The following FOXP1 variants were observed in gnomAD, a reference collection of about 807,000 sequenced individuals.
FOXP1 encodes forkhead box P1, also known as forkhead box protein P1.
Under a neutral mutation model 98.2 loss-of-function variants are expected in FOXP1, and 15 were observed. The observed-to-expected ratio is 0.15, with a 90% CI of 0.10 to 0.24. The LOEUF is 0.24. FOXP1 is among the 10% of genes least tolerant of loss of function. The pLI is 1.00. For missense variants in FOXP1, 633 were observed against 848.5 expected (o/e 0.75, Z 3.15); for synonymous variants, 371 against 314.5 (o/e 1.18, Z -1.90).
At chr3:70,970,596 G>A (rs1265570756) in intron 19 of FOXP1, 140 bp downstream of exon 19, 1 of 780,880 alleles carries the variant, frequency 1.3e-6, no homozygotes, top group African/African-American at 1.7e-5. Context: ...CCTCCAGGGA[G>A]TATGATGCTT....
intron 4 of FOXP1, among the ~76,000 whole-genome samples, chr3:71,305,033 C>T (rs1044203519): frequency 4.6e-5 from 7 of 152,128 alleles, no homozygotes; most frequent in Admixed American, 1.3e-4. Context: ...TGAAATAACA[C>T]TCTACCCTCA....
At chr3:71,280,126 C>CAAAAAAAAAAAAAAAAAA (rs56674677) in intron 5 of FOXP1, among the ~76,000 whole-genome samples, 1 of 106,208 alleles carries the variant, frequency 9.4e-6, no homozygotes, top group Non-Finnish European at 1.9e-5. Context: ...CTGTCTCAAA[C>CAAAAAAAAAAAAAAAAAA]AAAAAAAAAA....
chr3:71,232,455 C>G (rs1560155697), intron 5 of FOXP1, among the ~76,000 whole-genome samples: 1 of 152,174 alleles, frequency 6.6e-6, no homozygotes, highest in Non-Finnish European at 1.5e-5. Flanking sequence ...CAGGACCCCT[C>G]AACTGATGCT....
rs547513377 is a variant in FOXP1, at chr3:71,084,557, A to G, written c.282+27979T>C. On this transcript the variant is annotated intron_variant, in intron 7 of 20. Coordinates refer to ENST00000649528, the MANE Select transcript of FOXP1 (RefSeq NM_001349338.3). The stretch of plus-strand genomic sequence containing the variant: ...GCAACTATTTTATTGTAATACATAC[A>G]TTCTGGAGAAATACACATTTTTCTT... Among the ~76,000 whole-genome samples, 233 of 152,356 alleles carry G rather than the reference A, an allele frequency of 1.5e-3. 11 individuals carry two copies. The South Asian group carries it at 0.046, about 30-fold the overall frequency.
At chr3:71,521,159 T>C (rs753310310) in intron 2 of FOXP1, among the ~76,000 whole-genome samples, 1 of 151,846 alleles carries the variant, frequency 6.6e-6, no homozygotes, top group Non-Finnish European at 1.5e-5. Flanking sequence ...GGAAAGCTCC[T>C]GAAAGGGATG....
Position 71,497,163 on chromosome 3 carries a change from C to CA in FOXP1, c.-297-3609dup, listed in dbSNP as rs200173526. Among the ~76,000 whole-genome samples the CA allele has an allele frequency of 2.1e-3, 320 of 150,046 alleles. 1 individual carries two copies. The highest frequency in any genetic ancestry group is 4.9e-3 in the Admixed American group (75 of 15,160). ...CCTTTCCACAGTACAGAGGCAAAAACAAAAAAGAAAAGAAAAAAATGACAG... is the reference window on the plus strand; with the variant it reads ...CCTTTCCACAGTACAGAGGCAAAAACAAAAAAAGAAAAGAAAAAAATGACAG... On this transcript the variant is annotated intron_variant, in intron 2 of 20. Transcript: ENST00000649528.
chr3:71,221,135 C>T (rs6782224), intron 5 of FOXP1, among the ~76,000 whole-genome samples: 3,228 of 152,212 alleles, frequency 0.021, 39 homozygotes, highest in Non-Finnish European at 0.035. Flanking sequence ...TGGGCATCAC[C>T]GCCTGAGCTC....
intron 3 of FOXP1, among the ~76,000 whole-genome samples, chr3:71,376,324 T>C (rs2079707504): frequency 6.6e-6 from 1 of 152,184 alleles, no homozygotes; most frequent in Admixed American, 6.5e-5. Flanking sequence ...AATTTATTCT[T>C]CATGGAATGG....
intron 2 of FOXP1, among the ~76,000 whole-genome samples, chr3:71,528,380 T>G (rs55782661): frequency 1.1e-3 from 172 of 152,342 alleles, no homozygotes; most frequent in African/African-American, 4.0e-3. Context: ...TTAACTAATT[T>G]TAAACGCCTA....
At chr3:71,128,147 A>G (rs896025033) in intron 6 of FOXP1, among the ~76,000 whole-genome samples, 2 of 152,292 alleles carry the variant, frequency 1.3e-5, no homozygotes, top group South Asian at 4.1e-4. Context: ...ACTGTGCTAG[A>G]ATCACGCACA....
intron 2 of FOXP1, among the ~76,000 whole-genome samples, chr3:71,533,742 T>C (rs1026927156): frequency 6.6e-6 from 1 of 152,164 alleles, no homozygotes; most frequent in African/African-American, 2.4e-5. Context: ...CAAATTTTAG[T>C]CTCCATCTTA....
intron 2 of FOXP1, among the ~76,000 whole-genome samples, chr3:71,509,110 A>G (rs932280508): frequency 6.6e-6 from 1 of 152,112 alleles, no homozygotes; most frequent in Non-Finnish European, 1.5e-5. Context: ...TCTTGCCATC[A>G]TTTTTTCATA....
chr3:71,091,208 G>C (rs1279572532), intron 7 of FOXP1, among the ~76,000 whole-genome samples: 1 of 151,226 alleles, frequency 6.6e-6, no homozygotes, highest in East Asian at 2.0e-4. Context: ...GTGAGCTTTA[G>C]CCCAGGCACG....
chr3:71,126,613 C>T (rs1049650284), intron 6 of FOXP1, among the ~76,000 whole-genome samples: 2 of 151,942 alleles, frequency 1.3e-5, no homozygotes, highest in African/African-American at 4.8e-5. Context: ...CGCTTGAGCC[C>T]AGGAGTTGGA....
Position 70,957,639 on chromosome 3 carries a change from G to A in FOXP1, c.*1608C>T, listed in dbSNP as rs909253276. The A allele has an allele frequency of 4.3e-6, 1 of 233,108 alleles. No individual in the cohort carries two copies. Among genetic ancestry groups the A allele is most frequent in the Middle Eastern group, 1.3e-3 (1 of 786 alleles). The allele number at this position is 233,108 out of a possible 1,614,324, so 14.4% of individuals were successfully genotyped here. ...AAAGTGGGTGCAGAGCTGAAGTGTGGAGGGGTTCTAAGGACTGAGGTTGTA... is the reference window on the plus strand; with the variant it reads ...AAAGTGGGTGCAGAGCTGAAGTGTGAAGGGGTTCTAAGGACTGAGGTTGTA... On this transcript the variant is annotated 3_prime_UTR_variant, in exon 21 of 21. Coordinates refer to ENST00000649528, the MANE Select transcript of FOXP1 (RefSeq NM_001349338.3).
chr3:71,465,404 C>T (rs962285015), intron 3 of FOXP1, among the ~76,000 whole-genome samples: 3 of 151,584 alleles, frequency 2.0e-5, no homozygotes, highest in African/African-American at 4.8e-5. Context: ...GAAGTGGAGA[C>T]TAATATGATC....
intron 9 of FOXP1, 25 bp downstream of exon 9, chr3:71,052,512 A>C: frequency 2.1e-6 from 2 of 962,150 alleles, no homozygotes; most frequent in South Asian, 2.6e-5. Flanking sequence ...CTGTGGTTTG[A>C]AAGTAAAATA....
chr3:71,542,906 G>C (rs115142533), intron 2 of FOXP1, among the ~76,000 whole-genome samples: 1 of 152,220 alleles, frequency 6.6e-6, no homozygotes, highest in East Asian at 1.9e-4. Flanking sequence ...GGGAGCAGGC[G>C]GTGTAGCATC....
At chr3:71,079,811 G>A (rs1186448287) in intron 7 of FOXP1, among the ~76,000 whole-genome samples, 1 of 152,188 alleles carries the variant, frequency 6.6e-6, no homozygotes, top group Non-Finnish European at 1.5e-5. Context: ...AAAGGTTTTT[G>A]AATGCATAGA....
Sources: allele counts gnomAD v4.1 joint callset (sites outside exome capture counted in the v4.1 genomes callset), GRCh38; gene constraint gnomAD v4.1.1; transcripts MANE v1.5; gene names NCBI Gene and HGNC (gene_info 2026-07-23, HGNC 2026-07-21).